TBX5: variants seen among roughly 807,000 people sequenced by gnomAD.
TBX5 encodes T-box transcription factor 5.
A neutral mutation model predicts 51.1 loss-of-function variants in TBX5; 8 were observed. The ratio of observed to expected loss-of-function variants is 0.16; its 90% CI spans 0.09 to 0.28. The LOEUF is 0.28. Ranked by LOEUF, TBX5 falls within the 10% of genes least tolerant of loss-of-function variation. The pLI is 1.00. For missense variants in TBX5, 589 were observed against 671.7 expected, an observed-to-expected ratio of 0.88 and a Z score of 1.36; for synonymous variants, 302 against 266.4, an observed-to-expected ratio of 1.13 and a Z score of -1.30.
At position 114,394,842 on chromosome 12, in the gene TBX5, C is replaced by G; in HGVS notation, c.562G>C (p.Ala188Pro). The G allele has an allele frequency of 6.2e-7, 1 of 1,614,104 alleles. No individual in the cohort carries two copies. The highest frequency in any genetic ancestry group is 8.5e-7 in the Non-Finnish European group (1 of 1,180,022). Residue 188 changes from alanine (A) to proline (P), a missense_variant, in exon 6 of 9, where the codon GCG (alanine) becomes CCG (proline). By Grantham distance (27) the Ala-to-Pro change is conservative. Around this residue, in one of 7 missense-constraint regions of TBX5, gnomAD observed 20 missense variants for 50.9 expected, o/e 0.39. Transcript: ENST00000405440. Reference protein sequence around the residue: ...KYQPRLHIVKADENNGFGSKN... With the variant: ...KYQPRLHIVKPDENNGFGSKN... Reference sequence around the variant, plus strand: ...GAGCCAAATCCATTATTTTCATCCGCTTTCACGATGTGTAATCTAGGCTGG... The same window carrying G: ...GAGCCAAATCCATTATTTTCATCCGGTTTCACGATGTGTAATCTAGGCTGG...
intron 2 of TBX5, among the ~76,000 whole-genome samples, 186 bp from the exon 3 acceptor site, chr12:114,402,106 C>T (rs748315708): frequency 3.9e-5 from 6 of 152,192 alleles, no homozygotes; most frequent in Non-Finnish European, 8.8e-5. Context: ...GCCCAGGGAT[C>T]CCTATGTAGG....
At chr12:114,396,121 T>A (rs1360984426) in intron 5 of TBX5, among the ~76,000 whole-genome samples, 1 of 149,030 alleles carries the variant, frequency 6.7e-6, no homozygotes, top group Admixed American at 6.7e-5. Context: ...CCCGATCGAG[T>A]GGAGGTAGTT....
Position 114,354,781 on chromosome 12 carries a change from T to C in TBX5, c.*751A>G, listed in dbSNP as rs1868779803. ...AGCTGGAAAGACAGAGCTGGCAAGA[T>C]GGTAGGGCTGAATAAGATAGGATGC... On this transcript the variant is annotated 3_prime_UTR_variant, in exon 9 of 9. Coordinates refer to ENST00000405440, the MANE Select transcript of TBX5 (RefSeq NM_181486.4). 6.6e-6 allele frequency: 1 copy of C among 152,652 alleles called. No individual in the cohort carries two copies. The highest frequency in any genetic ancestry group is 1.5e-5 in the Non-Finnish European group (1 of 68,182). The allele number at this position is 152,652 out of a possible 1,614,324, so 9.5% of individuals were successfully genotyped here.
rs1472736025 is a variant in TBX5, at chr12:114,354,610, T to G, written c.*922A>C. 4 of 152,550 alleles carry G rather than the reference T, an allele frequency of 2.6e-5. No individual in the cohort carries two copies. In the East Asian group the frequency reaches 7.7e-4, roughly 29 times the overall value. The allele number at this position is 152,550 out of a possible 1,614,324, so 9.4% of individuals were successfully genotyped here. On this transcript the variant is annotated 3_prime_UTR_variant, in exon 9 of 9. Coordinates refer to ENST00000405440, the MANE Select transcript of TBX5 (RefSeq NM_181486.4). The stretch of plus-strand genomic sequence containing the variant: ...AAATTTTTTTAATCAGGAAGAATAT[T>G]TATTTTGGCTTTTTGTCCACAACTC...
intron 8 of TBX5, among the ~76,000 whole-genome samples, chr12:114,356,307 C>T (rs889524280): frequency 3.3e-5 from 5 of 152,136 alleles, no homozygotes; most frequent in Admixed American, 6.6e-5. Context: ...ACAGTTTGAC[C>T]TTTCTGGGTT....
At chr12:114,394,630 T>C (rs1871322755) in intron 6 of TBX5, 111 bp downstream of exon 6, 3 of 1,469,026 alleles carry the variant, frequency 2.0e-6, no homozygotes, top group Non-Finnish European at 2.8e-6. Flanking sequence ...GGGTCGAAGT[T>C]GGTGACTGCT....
At chr12:114,361,547 A>G (rs962064378) in intron 8 of TBX5, among the ~76,000 whole-genome samples, 1 of 152,162 alleles carries the variant, frequency 6.6e-6, no homozygotes, top group African/African-American at 2.4e-5. Context: ...TTTTTGGCTC[A>G]GTCCATCGGG....
intron 8 of TBX5, among the ~76,000 whole-genome samples, chr12:114,359,829 TTTAA>T (rs1293586186): frequency 5.3e-5 from 8 of 152,170 alleles, no homozygotes; most frequent in Admixed American, 1.3e-4. Flanking sequence ...TTTTATGAGA[TTTAA>T]TTGAGGTAAT....
intron 7 of TBX5, among the ~76,000 whole-genome samples, chr12:114,374,082 C>T (rs1593855729): frequency 1.3e-5 from 2 of 152,242 alleles, no homozygotes; most frequent in South Asian, 4.1e-4. Flanking sequence ...AAGCCAAGGA[C>T]TTCCTGGTGA....
At chr12:114,395,009 G>T in intron 5 of TBX5, 116 bp from the exon 6 acceptor site, 2 of 1,009,720 alleles carry the variant, frequency 2.0e-6, no homozygotes, top group South Asian at 1.4e-5. Flanking sequence ...TCGAAAAATA[G>T]ATATTTTTCT....
Position 114,355,690 on chromosome 12 carries a change from C to A in TBX5, c.1399G>T (p.Val467Phe). The A allele has an allele frequency of 6.2e-7, 1 of 1,614,142 alleles. No homozygotes were observed. The highest frequency in any genetic ancestry group is 8.5e-7 in the Non-Finnish European group (1 of 1,180,014). ...HQTSVAHQPV[V>F]RQCGPQTGLQ... is the part of the protein sequence containing the mutation. Reference sequence around the variant, plus strand: ...CCAGTCTGAGGCCCACACTGCCTGACCACAGGCTGGTGGGCCACGGAGGTC... The same window carrying A: ...CCAGTCTGAGGCCCACACTGCCTGAACACAGGCTGGTGGGCCACGGAGGTC... Residue 467 changes from valine to phenylalanine, a missense_variant, in exon 9 of 9, where the codon GTC becomes TTC. Physicochemically the swap from Val to Phe is conservative, Grantham distance 50. Coordinates refer to ENST00000405440, the MANE Select transcript of TBX5 (RefSeq NM_181486.4).
chr12:114,355,810 A>G lies in TBX5; in HGVS notation c.1279T>C (p.Ser427Pro), dbSNP rs1490307004. ...AGGGGCCCCGAGGTGAAGTGAGCGG[A>G]GAAGTGCTGGTAGGGTAGCCTGTCC... ...PMDRLPYQHF[S>P]AHFTSGPLVP... The change falls in exon 9 of 9, where the codon TCC becomes CCC. Residue 427 changes from serine (S) to proline (P), a missense_variant. Transcript: ENST00000405440. 1 of 1,613,988 alleles carries G rather than the reference A, an allele frequency of 6.2e-7. No homozygotes were observed. Among genetic ancestry groups the G allele is most frequent in the Non-Finnish European group, 8.5e-7 (1 of 1,180,040 alleles).
chr12:114,361,465 C>CT (rs1164438534), intron 8 of TBX5, among the ~76,000 whole-genome samples: 1 of 152,172 alleles, frequency 6.6e-6, no homozygotes, highest in African/African-American at 2.4e-5. Flanking sequence ...GGGAGAAAGA[C>CT]AGACAAGTGC....
At chr12:114,373,901 A>G (rs1402194515) in intron 7 of TBX5, among the ~76,000 whole-genome samples, 1 of 152,224 alleles carries the variant, frequency 6.6e-6, no homozygotes, top group Non-Finnish European at 1.5e-5. Flanking sequence ...TTTCTTTTAC[A>G]TGATTTTGGA....
At chr12:114,367,432 A>G (rs1468495420) in intron 7 of TBX5, among the ~76,000 whole-genome samples, 1 of 152,154 alleles carries the variant, frequency 6.6e-6, no homozygotes, top group Non-Finnish European at 1.5e-5. Context: ...TCATAGGTAT[A>G]GCATCCCTCA....
intron 8 of TBX5, among the ~76,000 whole-genome samples, chr12:114,364,033 T>C (rs1869381275): frequency 6.6e-6 from 1 of 152,230 alleles, no homozygotes; most frequent in Admixed American, 6.5e-5. Context: ...GGAGTTTGGA[T>C]TGGCTTCAGG....
At position 114,360,679 on chromosome 12, in the gene TBX5, G is replaced by A. The variant is rs543303740; in HGVS notation, c.983-4573C>T. Among the ~76,000 whole-genome samples, 6 of 147,360 alleles carry A rather than the reference G, an allele frequency of 4.1e-5. No homozygotes were observed. The South Asian group carries it at 1.1e-3, about 28-fold the overall frequency. ...GGATGGATGAGTGAGTGGATAGATA[G>A]ATGAGTGATGGATGGGTGGATGGAT... On this transcript the variant is annotated intron_variant, in intron 8 of 8. Coordinates refer to ENST00000405440, the MANE Select transcript of TBX5 (RefSeq NM_181486.4).
chr12:114,370,533 A>G (rs76137559), intron 7 of TBX5, among the ~76,000 whole-genome samples: 9,308 of 152,026 alleles, frequency 0.061, 407 homozygotes, highest in Non-Finnish European at 0.091. Flanking sequence ...GGGTGCTAGC[A>G]TGGTCAGTTT....
At chr12:114,386,946 T>TA (rs1172883038) in intron 6 of TBX5, among the ~76,000 whole-genome samples, 1,092 of 80,062 alleles carry the variant, frequency 0.014, 6 homozygotes, top group Non-Finnish European at 0.018. Flanking sequence ...ATACAAAATT[T>TA]AAAAAAAAAA....
Sources: allele counts gnomAD v4.1 joint callset (sites outside exome capture counted in the v4.1 genomes callset), GRCh38; gene constraint gnomAD v4.1.1; regional missense constraint gnomAD v4.1.1; transcripts MANE v1.5; gene names NCBI Gene and HGNC (gene_info 2026-07-23, HGNC 2026-07-21).